Variants in SLCO3A1 observed in about 807,000 individuals in gnomAD.
The protein encoded by SLCO3A1 is PGE1 transporter.
Under a neutral mutation model 63.1 loss-of-function variants are expected in SLCO3A1, and 27 were observed. The observed-to-expected ratio is 0.43, with a 90% CI of 0.32 to 0.59. The LOEUF is 0.59. SLCO3A1 is among the 20% of genes least tolerant of loss of function. The pLI, the probability that SLCO3A1 is intolerant of heterozygous loss-of-function variation, is 0.09. For synonymous variants in SLCO3A1, 473 were observed against 409.9 expected (o/e 1.15, Z -1.86); for missense variants, 773 against 945.8 (o/e 0.82, Z 2.40).
rs527507996 is a variant in SLCO3A1, at chr15:91,937,933, C to A, written c.646+21475C>A. On this transcript the variant is annotated intron_variant, in intron 2 of 9. Transcript: ENST00000318445. Reference sequence around the variant, plus strand: ...CTGTAAATTTTGGAGGCGGTATCTACCTTATGGGGTTATGAGTACCTACCT... The same window carrying A: ...CTGTAAATTTTGGAGGCGGTATCTAACTTATGGGGTTATGAGTACCTACCT... Among the ~76,000 whole-genome samples the A allele has an allele frequency of 9.9e-5, 15 of 152,162 alleles. No homozygotes were observed. In the South Asian group the frequency reaches 2.5e-3, roughly 25 times the overall value.
At chr15:91,958,552 C>T (rs973448313) in intron 2 of SLCO3A1, among the ~76,000 whole-genome samples, 2 of 152,142 alleles carry the variant, frequency 1.3e-5, no homozygotes, top group African/African-American at 4.8e-5. Flanking sequence ...ACCTTGAGGG[C>T]TGTTGGAGGA....
intron 2 of SLCO3A1, among the ~76,000 whole-genome samples, chr15:92,081,399 G>A (rs764030039): frequency 4.6e-4 from 70 of 151,730 alleles, no homozygotes; most frequent in Non-Finnish European, 9.0e-4. Context: ...TGCCCAGGCT[G>A]GAGCGCAGTG....
At chr15:91,923,053 A>G (rs1049329697) in intron 2 of SLCO3A1, among the ~76,000 whole-genome samples, 4 of 152,156 alleles carry the variant, frequency 2.6e-5, no homozygotes, top group African/African-American at 9.7e-5. Flanking sequence ...CTGGAGCCCA[A>G]CAGTCTTGAA....
chr15:91,959,740 A>G (rs1239266397), intron 2 of SLCO3A1, among the ~76,000 whole-genome samples: 17 of 150,890 alleles, frequency 1.1e-4, no homozygotes, highest in African/African-American at 2.9e-4. Flanking sequence ...AAAAAAAAAA[A>G]AAAGAAAAGT....
Position 91,882,361 on chromosome 15 carries a change from G to A in SLCO3A1, c.180+28273G>A, listed in dbSNP as rs1897609974. Among the ~76,000 whole-genome samples the A allele has an allele frequency of 6.6e-6, 1 of 152,132 alleles. No individual in the cohort carries two copies. The highest frequency in any genetic ancestry group is 1.5e-5 in the Non-Finnish European group (1 of 68,026). On this transcript the variant is annotated intron_variant, in intron 1 of 9. Coordinates refer to ENST00000318445, the MANE Select transcript of SLCO3A1 (RefSeq NM_013272.4). This position sits in a 1 kb window ranked among gnomAD's most constrained non-coding sequence, Gnocchi z 4.4. ...TGAACCCATGCATTTGCTTCTCTTT[G>A]TGTTCATAGCTCCCAGTTTAAGGTT...
At chr15:91,985,045 C>T (rs1386191448) in intron 2 of SLCO3A1, among the ~76,000 whole-genome samples, 1 of 152,188 alleles carries the variant, frequency 6.6e-6, no homozygotes. Context: ...AAAATTTACA[C>T]ACTCATATGA....
At chr15:92,162,642 C>T (rs1346979401) in intron 9 of SLCO3A1, 114 bp from the exon 10 acceptor site, 1 of 1,484,046 alleles carries the variant, frequency 6.7e-7, no homozygotes, top group Non-Finnish European at 9.0e-7. Flanking sequence ...GTCTTTGAGC[C>T]ACGGAGTCAG....
At chr15:92,030,290 T>A (rs1010952087) in intron 2 of SLCO3A1, among the ~76,000 whole-genome samples, 1 of 152,194 alleles carries the variant, frequency 6.6e-6, no homozygotes, top group Non-Finnish European at 1.5e-5. Flanking sequence ...CTTAGATGAA[T>A]ACCAAGAGAA....
At position 92,106,853 on chromosome 15, in the gene SLCO3A1, G is replaced by A. The variant is rs1399669137; in HGVS notation, c.1009+2311G>A. Among the ~76,000 whole-genome samples the A allele has an allele frequency of 3.9e-5, 6 of 152,170 alleles. 1 individual carries two copies. The highest frequency in any genetic ancestry group is 3.8e-4 in the East Asian group (2 of 5,196). On this transcript the variant is annotated intron_variant, in intron 4 of 9. Transcript: ENST00000318445. ...AGTCACGGGTGAGGAAAGGGTCAGC[G>A]GCAGAGCTGAGCCAAGTCTTGAGCC...
chr15:92,128,280 G>A (rs2047949612), intron 6 of SLCO3A1, 71 bp from the exon 7 acceptor site: 1 of 1,585,374 alleles, frequency 6.3e-7, no homozygotes, highest in Non-Finnish European at 8.6e-7. Flanking sequence ...GAGGCAAAAG[G>A]CTGTCACTGG....
At chr15:92,168,076 C>A (rs1313073003), downstream of SLCO3A1, among the ~76,000 whole-genome samples, 1 of 152,228 alleles carries the variant, frequency 6.6e-6, no homozygotes, top group Non-Finnish European at 1.5e-5. Context: ...GGTCCCTACC[C>A]TCCAAGAACC....
At chr15:92,039,351 A>C (rs779391417) in intron 2 of SLCO3A1, among the ~76,000 whole-genome samples, 26 of 152,242 alleles carry the variant, frequency 1.7e-4, no homozygotes, top group African/African-American at 4.6e-4. Context: ...TGATATCCAG[A>C]ATCTACAAGG....
Position 91,948,730 on chromosome 15 carries a change from G to A in SLCO3A1, c.646+32272G>A, listed in dbSNP as rs944446843. Among the ~76,000 whole-genome samples the A allele has an allele frequency of 1.3e-5, 2 of 152,164 alleles. No homozygotes were observed. Among genetic ancestry groups the A allele is most frequent in the Admixed American group, 6.5e-5 (1 of 15,280 alleles). Reference sequence around the variant, plus strand: ...ATAGGAGAGCCATGGCACAGGAAGTGGAAAGTCAGTCTGGGATGTAAAGTT... The same window carrying A: ...ATAGGAGAGCCATGGCACAGGAAGTAGAAAGTCAGTCTGGGATGTAAAGTT... On this transcript the variant is annotated intron_variant, in intron 2 of 9. Coordinates refer to ENST00000318445, the MANE Select transcript of SLCO3A1 (RefSeq NM_013272.4). The surrounding 1 kb of genome is among the most constrained non-coding windows in gnomAD (Gnocchi z 4.8).
At chr15:91,975,960 A>G (rs1187204170) in intron 2 of SLCO3A1, among the ~76,000 whole-genome samples, 4 of 152,236 alleles carry the variant, frequency 2.6e-5, no homozygotes, top group Non-Finnish European at 5.9e-5. Context: ...CCCCTGGGGT[A>G]CTGTATTGCT....
chr15:91,936,298 A>G (rs577417016), intron 2 of SLCO3A1, among the ~76,000 whole-genome samples: 13 of 152,374 alleles, frequency 8.5e-5, no homozygotes, highest in East Asian at 3.9e-4. Flanking sequence ...TTTTCGTCCT[A>G]TGATCTGGAG....
At chr15:92,052,428 T>C (rs2151498279) in intron 2 of SLCO3A1, among the ~76,000 whole-genome samples, 1 of 152,194 alleles carries the variant, frequency 6.6e-6, no homozygotes, top group East Asian at 1.9e-4. Context: ...AATCCTAGAC[T>C]CACCTGGGTA....
intron 7 of SLCO3A1, among the ~76,000 whole-genome samples, chr15:92,130,487 TG>T (rs2047978947): frequency 6.6e-6 from 1 of 152,208 alleles, no homozygotes; most frequent in Non-Finnish European, 1.5e-5. Flanking sequence ...GTGCCTTCCC[TG>T]CAGAGGCAGA....
rs567043784 is a variant in SLCO3A1, at chr15:92,110,520, C to G, written c.1009+5978C>G. Among the ~76,000 whole-genome samples, 18 of 152,290 alleles carry G rather than the reference C, an allele frequency of 1.2e-4. No homozygotes were observed. The East Asian group carries it at 2.9e-3, about 24-fold the overall frequency. ...TCTCTTTTCAGTTCTCCCTATACCCCAGGCTCCTTTCCTCCTAGGACTCTG... is the reference window on the plus strand; with the variant it reads ...TCTCTTTTCAGTTCTCCCTATACCCGAGGCTCCTTTCCTCCTAGGACTCTG... On this transcript the variant is annotated intron_variant, in intron 4 of 9. Transcript: ENST00000318445.
chr15:92,172,429 A>C (rs2048526738), exon 11 of SLCO3A1: 1 of 152,266 alleles, frequency 6.6e-6, no homozygotes, highest in African/African-American at 2.4e-5. Context: ...GCACTATTTT[A>C]ATTCTTCCTC....
Sources: gnomAD v4.1 joint callset for allele counts (sites outside exome capture counted in the v4.1 genomes callset) on GRCh38, gnomAD v4.1.1 for gene constraint, Gnocchi (gnomAD v3.1) non-coding constraint, MANE v1.5 for transcripts, NCBI Gene and HGNC (gene_info 2026-07-23, HGNC 2026-07-21) for gene names.